Variants in L3MBTL4 observed in about 807,000 individuals in gnomAD.
The protein encoded by L3MBTL4 is L3MBTL histone methyl-lysine binding protein 4, also known as lethal(3)malignant brain tumor-like protein 4.
In L3MBTL4, 70 loss-of-function variants were observed where a neutral mutation model predicts 84.5. The ratio of observed to expected loss-of-function variants is 0.83; its 90% confidence interval spans 0.68 to 1.01. L3MBTL4 has a LOEUF of 1.01. L3MBTL4 is among the 50% of genes least tolerant of loss of function. The probability of loss-of-function intolerance (pLI) is 0.00; values close to 1 mark genes in which losing one functional copy is unlikely to be tolerated. For missense variants in L3MBTL4, 715 were observed against 754.8 expected, an observed-to-expected ratio of 0.95 and a Z score of 0.62; for synonymous variants, 274 against 259.8, an observed-to-expected ratio of 1.05 and a Z score of -0.52.
chr18:6,156,515 T>C (rs1032638447), intron 13 of L3MBTL4, among the ~76,000 whole-genome samples: 1 of 149,880 alleles, frequency 6.7e-6, no homozygotes, highest in African/African-American at 2.5e-5. Flanking sequence ...ACATAACAAT[T>C]GCATCCAGTT....
At chr18:6,178,595 C>T (rs1417674050) in intron 12 of L3MBTL4, among the ~76,000 whole-genome samples, 4 of 152,174 alleles carry the variant, frequency 2.6e-5, no homozygotes, top group Non-Finnish European at 5.9e-5. Context: ...GTAGACCCTT[C>T]TTGCTCAAGC....
chr18:5,982,976 A>G (rs1373278165), intron 16 of L3MBTL4, among the ~76,000 whole-genome samples: 2 of 152,330 alleles, frequency 1.3e-5, no homozygotes, highest in African/African-American at 2.4e-5. Context: ...AATTGAGGAA[A>G]CCGGCTGAAG....
chr18:6,201,083 A>G (rs2045630000), intron 12 of L3MBTL4, among the ~76,000 whole-genome samples: 1 of 152,210 alleles, frequency 6.6e-6, no homozygotes, highest in Non-Finnish European at 1.5e-5. Flanking sequence ...TACTCGGGTA[A>G]TCAAGGGATA....
intron 16 of L3MBTL4, among the ~76,000 whole-genome samples, chr18:6,044,179 T>C (rs1210033507): frequency 6.6e-6 from 1 of 152,198 alleles, no homozygotes; most frequent in African/African-American, 2.4e-5. Context: ...GTAGGCAAGA[T>C]TCGGAATTGT....
Position 6,174,257 on chromosome 18 carries a change from A to G in L3MBTL4, c.982-2315T>C, listed in dbSNP as rs111929949. Among the ~76,000 whole-genome samples the G allele has an allele frequency of 1.6e-3, 237 of 152,276 alleles. 1 individual carries two copies. The highest frequency in any genetic ancestry group is 0.01 in the Middle Eastern group (3 of 294). On this transcript the variant is annotated intron_variant, in intron 12 of 18. Transcript: ENST00000317931. ...GATTGTGAGCCATACTCAATTTGTG[A>G]AGAAGTGGTCAACAGAAATAGAACC...
At chr18:6,337,067 T>C (rs952323619) in intron 1 of L3MBTL4, among the ~76,000 whole-genome samples, 1 of 151,942 alleles carries the variant, frequency 6.6e-6, no homozygotes, top group South Asian at 2.1e-4. Context: ...GTAATCTGCA[T>C]AACAAGTCAG....
chr18:6,334,233 G>A (rs989075056), intron 1 of L3MBTL4, among the ~76,000 whole-genome samples: 1 of 152,102 alleles, frequency 6.6e-6, no homozygotes, highest in Non-Finnish European at 1.5e-5. Context: ...AGTCCCAGTT[G>A]GTGTCAGGTA....
At chr18:6,077,981 T>C (rs1414901881) in intron 16 of L3MBTL4, among the ~76,000 whole-genome samples, 3 of 151,860 alleles carry the variant, frequency 2.0e-5, no homozygotes, top group Non-Finnish European at 4.4e-5. Context: ...TGAGCCAAGA[T>C]CGCGCCACTG....
intron 16 of L3MBTL4, among the ~76,000 whole-genome samples, chr18:6,046,048 T>G (rs1369986359): frequency 2.6e-5 from 4 of 152,040 alleles, no homozygotes; most frequent in African/African-American, 9.7e-5. Flanking sequence ...GAAAGATCTA[T>G]CATGCAAGCA....
intron 14 of L3MBTL4, among the ~76,000 whole-genome samples, chr18:6,098,269 G>A (rs1390339760): frequency 1.3e-5 from 2 of 152,132 alleles, no homozygotes; most frequent in Non-Finnish European, 2.9e-5. Flanking sequence ...CTTACCTAAG[G>A]GTAGCTTCCC....
intron 1 of L3MBTL4, among the ~76,000 whole-genome samples, chr18:6,411,904 T>C (rs1209997656): frequency 1.3e-5 from 2 of 152,188 alleles, no homozygotes; most frequent in African/African-American, 2.4e-5. Flanking sequence ...TCATTTTGCT[T>C]TTACCAAAAT....
intron 16 of L3MBTL4, among the ~76,000 whole-genome samples, chr18:6,016,504 T>G (rs1305899811): frequency 6.6e-6 from 1 of 152,178 alleles, no homozygotes; most frequent in Non-Finnish European, 1.5e-5. Context: ...GGAATGAAAC[T>G]GCAAAGACAC....
chr18:6,152,218 C>T (rs1263161651), intron 13 of L3MBTL4, among the ~76,000 whole-genome samples: 2 of 152,096 alleles, frequency 1.3e-5, no homozygotes, highest in East Asian at 1.9e-4. Context: ...CTTAGAGATA[C>T]TTATTTCATT....
At chr18:6,295,336 CTCTCTCTCTCTA>C (rs1456587762) in intron 4 of L3MBTL4, among the ~76,000 whole-genome samples, 1,470 of 130,522 alleles carry the variant, frequency 0.011, 8 homozygotes, top group Non-Finnish European at 0.016. Context: ...CTCTCTCTCT[CTCTCTCTCTCTA>C]TATATATATA....
Position 6,364,548 on chromosome 18 carries a change from C to G in L3MBTL4, c.-91+50253G>C, listed in dbSNP as rs184845412. On this transcript the variant is annotated intron_variant, in intron 1 of 18. Transcript: ENST00000317931. ...AACCTAAAAGCTTTATTGTTACCTC[C>G]GAAGTAAAAGAGTCACTGGTAACAT... Among the ~76,000 whole-genome samples, 4 of 151,882 alleles carry G rather than the reference C, an allele frequency of 2.6e-5. No homozygotes were observed. The South Asian group carries it at 8.3e-4, about 32-fold the overall frequency.
chr18:6,399,206 G>A (rs1001048942), intron 1 of L3MBTL4, among the ~76,000 whole-genome samples: 9 of 152,172 alleles, frequency 5.9e-5, no homozygotes, highest in Non-Finnish European at 1.2e-4. Flanking sequence ...TTGGAAGGCC[G>A]AGGAGGGGAG....
intron 12 of L3MBTL4, among the ~76,000 whole-genome samples, chr18:6,192,013 AAAAAG>A (rs909004330): frequency 4.0e-5 from 6 of 148,680 alleles, no homozygotes; most frequent in African/African-American, 1.6e-4. Flanking sequence ...CCTCAAAAAA[AAAAAG>A]AAAGAAAGAA....
intron 16 of L3MBTL4, among the ~76,000 whole-genome samples, chr18:6,068,886 T>C (rs1437975649): frequency 3.3e-5 from 5 of 152,158 alleles, no homozygotes; most frequent in Non-Finnish European, 7.3e-5. Flanking sequence ...AGATTCTTTT[T>C]CCCATGGGAT....
intron 14 of L3MBTL4, among the ~76,000 whole-genome samples, chr18:6,103,988 C>T (rs552192914): frequency 6.6e-6 from 1 of 152,328 alleles, no homozygotes; most frequent in South Asian, 2.1e-4. Flanking sequence ...ACAAGCCATG[C>T]TCTGCGGAGT....
Sources: gnomAD v4.1 joint callset for allele counts (sites outside exome capture counted in the v4.1 genomes callset) on GRCh38, gnomAD v4.1.1 for gene constraint, MANE v1.5 for transcripts, NCBI Gene and HGNC (gene_info 2026-07-23, HGNC 2026-07-21) for gene names.